CTBP1: variants seen among roughly 807,000 people sequenced by gnomAD.
The protein encoded by CTBP1 is C-terminal binding protein 1, also known as C-terminal-binding protein 1.
CTBP1 carries 11 observed loss-of-function variants against 42.1 expected under a neutral mutation model. The ratio of observed to expected loss-of-function variants is 0.26; its 90% CI spans 0.16 to 0.43. The LOEUF is 0.43. Ranked by LOEUF, CTBP1 falls within the 20% of genes least tolerant of loss-of-function variation. The pLI, the probability that CTBP1 is intolerant of heterozygous loss-of-function variation, is 1.00. For missense variants in CTBP1, 399 were observed against 624.3 expected, an observed-to-expected ratio of 0.64 and a Z score of 3.85; for synonymous variants, 324 against 277.1, an observed-to-expected ratio of 1.17 and a Z score of -1.68.
At chr4:1,243,248 C>A (rs1171112910) in intron 1 of CTBP1, 3 of 985,428 alleles carry the variant, frequency 3.0e-6, no homozygotes, top group Non-Finnish European at 3.6e-6. Context: ...CGTGCCCACA[C>A]CTGTGTCTCT....
At chr4:1,221,779 G>A (rs1431312086) in intron 5 of CTBP1, 7 of 439,370 alleles carry the variant, frequency 1.6e-5, no homozygotes, top group African/African-American at 6.1e-5. Flanking sequence ...GCAGGAGCCT[G>A]CTCTGTCAAC....
chr4:1,224,244 CCCATGTGTG>C (rs1415652432), intron 5 of CTBP1, among the ~76,000 whole-genome samples: 2 of 152,158 alleles, frequency 1.3e-5, no homozygotes, highest in African/African-American at 2.4e-5. Context: ...ATGTGTGGTG[CCCATGTGTG>C]CCATGTGATA....
At chr4:1,243,885 C>T in intron 1 of CTBP1, 3 of 985,498 alleles carry the variant, frequency 3.0e-6, no homozygotes, top group Non-Finnish European at 2.4e-6. Flanking sequence ...GGACAGTCTC[C>T]AGCTTCTCAC....
At chr4:1,229,845 C>T (rs528988962) in intron 3 of CTBP1, among the ~76,000 whole-genome samples, 3 of 152,312 alleles carry the variant, frequency 2.0e-5, no homozygotes. Flanking sequence ...TCCTGCCCAC[C>T]GCAGGGGACC....
At chr4:1,219,708 C>A (rs971876627) in intron 5 of CTBP1, among the ~76,000 whole-genome samples, 1 of 152,248 alleles carries the variant, frequency 6.6e-6, no homozygotes, top group African/African-American at 2.4e-5. Context: ...TCAAGAGAAT[C>A]TGTTTTTGGC....
intron 3 of CTBP1, among the ~76,000 whole-genome samples, chr4:1,234,249 T>C (rs1731257431): frequency 1.3e-5 from 2 of 152,234 alleles, no homozygotes; most frequent in South Asian, 4.1e-4. Context: ...GCTTCTGCAA[T>C]GTCCCTGTGT....
In CTBP1 at chr4:1,238,057, G is replaced by A. The variant is rs1239251897; in HGVS notation, c.162+126C>T. 7.8e-7 allele frequency: 1 copy of A among 1,286,368 alleles called. No homozygotes were observed. The highest frequency in any genetic ancestry group is 1.1e-6 in the Non-Finnish European group (1 of 891,608). The allele number at this position is 1,286,368 out of a possible 1,614,324, so 79.7% of individuals were successfully genotyped here. On this transcript the variant is annotated intron_variant, in intron 3 of 9. Coordinates refer to ENST00000382952, the MANE Select transcript of CTBP1 (RefSeq NM_001012614.2). This position sits in a 1 kb window ranked among gnomAD's most constrained non-coding sequence, Gnocchi z 5.9. ...CACCTCCTGACGGCGCGGGACGACT[G>A]GGACAGAGGCTGCTCCTGCCCCAGT... is the stretch of plus-strand genomic sequence containing the variant.
chr4:1,231,069 A>G (rs1318414806), intron 3 of CTBP1: 3 of 152,390 alleles, frequency 2.0e-5, no homozygotes, highest in East Asian at 1.9e-4. Context: ...GAATCTGAAC[A>G]TGGCTGGGGC....
chr4:1,246,951 G>A (rs572556382), intron 1 of CTBP1, among the ~76,000 whole-genome samples: 122 of 152,368 alleles, frequency 8.0e-4, no homozygotes, highest in African/African-American at 2.9e-3. Context: ...GGACGAGCCA[G>A]CACTTCCAAT....
chr4:1,213,116 G>A (rs1728718749), intron 8 of CTBP1, 86 bp from the exon 9 acceptor site: 12 of 1,169,650 alleles, frequency 1.0e-5, no homozygotes, highest in Non-Finnish European at 1.5e-5. Flanking sequence ...CGGGCAGCAG[G>A]ATTCTTGGCA....
rs188665713 is a variant in CTBP1, at chr4:1,213,618, C to G, written c.861-13G>C. On this transcript the variant is annotated splice_polypyrimidine_tract_variant and intron_variant, in intron 7 of 9. Transcript: ENST00000382952. ...GCCCTGGCTAAAGCTGGGAACAGCA[C>G]AGGCATGGTCAGTGCAGCCTGAGTG... is the stretch of plus-strand genomic sequence containing the variant. The G allele has an allele frequency of 1.2e-6, 2 of 1,611,612 alleles. No homozygotes were observed. The highest frequency in any genetic ancestry group is 4.5e-5 in the East Asian group (2 of 44,854).
chr4:1,224,111 C>A (rs1052083206), intron 5 of CTBP1, among the ~76,000 whole-genome samples: 22 of 152,250 alleles, frequency 1.4e-4, no homozygotes, highest in African/African-American at 5.1e-4. Context: ...ACTCAAGGGG[C>A]GAGCACATGC....
upstream of CTBP1, chr4:1,249,315 G>C (rs1733111447): frequency 1.3e-5 from 2 of 150,092 alleles, no homozygotes; most frequent in African/African-American, 4.9e-5. Flanking sequence ...CCCCGGGCCT[G>C]GTGTTCCGCA....
chr4:1,248,524 A>G (rs1732999229), intron 1 of CTBP1: 1 of 247,562 alleles, frequency 4.0e-6, no homozygotes, highest in Admixed American at 6.6e-5. Flanking sequence ...AGGCCCAGCC[A>G]CGGGGTCATG....
intron 3 of CTBP1, chr4:1,237,798 G>A: frequency 1.4e-6 from 1 of 692,420 alleles, no homozygotes; most frequent in South Asian, 1.5e-5. Flanking sequence ...ACCTCCTGAT[G>A]GGGCACAGGG....
intron 5 of CTBP1, among the ~76,000 whole-genome samples, chr4:1,219,856 A>G (rs1016197641): frequency 3.3e-5 from 5 of 152,230 alleles, no homozygotes; most frequent in Non-Finnish European, 5.9e-5. Context: ...ACGCTGTGGG[A>G]TATGAGGTTG....
At chr4:1,245,479 C>T (rs1577082830) in intron 1 of CTBP1, 2 of 985,436 alleles carry the variant, frequency 2.0e-6, no homozygotes, top group East Asian at 1.1e-4. Flanking sequence ...GCCTCGGATG[C>T]CTCTGAGGCT....
intron 5 of CTBP1, chr4:1,221,347 G>A (rs1729713768): frequency 6.6e-6 from 1 of 152,384 alleles, no homozygotes; most frequent in Non-Finnish European, 1.5e-5. Context: ...GAAGAACAGC[G>A]ACTCCTTCCA....
intron 6 of CTBP1, 134 bp from the exon 7 acceptor site, chr4:1,214,607 C>A: frequency 8.4e-7 from 1 of 1,183,884 alleles, no homozygotes. Flanking sequence ...CCTGGGCTCA[C>A]CACGGCGCTA....
Sources: gnomAD v4.1 joint callset for allele counts (sites outside exome capture counted in the v4.1 genomes callset) on GRCh38, gnomAD v4.1.1 for gene constraint, Gnocchi (gnomAD v3.1) non-coding constraint, MANE v1.5 for transcripts, NCBI Gene and HGNC (gene_info 2026-07-23, HGNC 2026-07-21) for gene names.